The following GRM7 variants were observed in gnomAD, a reference collection of about 807,000 sequenced individuals.
GRM7 encodes the protein metabotropic glutamate receptor 7.
GRM7 carries 35 observed loss-of-function variants against 84.5 expected under a neutral mutation model. The ratio of observed to expected loss-of-function variants is 0.41; its 90% CI spans 0.32 to 0.55. The LOEUF (loss-of-function observed/expected upper bound fraction) is 0.55, where lower values mean the gene tolerates loss of function less well. GRM7 is among the 20% of genes least tolerant of loss of function. The probability of loss-of-function intolerance (pLI) is 0.19; values close to 1 mark genes in which losing one functional copy is unlikely to be tolerated. For synonymous variants in GRM7, 487 were observed against 455.1 expected (o/e 1.07, Z -0.89); for missense variants, 1,003 against 1,194.6 (o/e 0.84, Z 2.36).
At chr3:6,933,099 T>C (rs1431329035) in intron 1 of GRM7, among the ~76,000 whole-genome samples, 24 of 152,040 alleles carry the variant, frequency 1.6e-4, no homozygotes, top group Non-Finnish European at 2.9e-5. Flanking sequence ...GAGGGATGAA[T>C]GAAGAAAGAA....
At chr3:7,423,076 T>C (rs1486466911) in intron 5 of GRM7, among the ~76,000 whole-genome samples, 1 of 152,124 alleles carries the variant, frequency 6.6e-6, no homozygotes, top group Non-Finnish European at 1.5e-5. Flanking sequence ...AAATAAATTT[T>C]TCCTTCAGCC....
chr3:6,929,167 T>C (rs1346098423), intron 1 of GRM7, among the ~76,000 whole-genome samples: 1 of 152,080 alleles, frequency 6.6e-6, no homozygotes, highest in Non-Finnish European at 1.5e-5. Context: ...TTGACGGAGG[T>C]GTGAGAAAGG....
chr3:7,693,246 C>T (rs1378477362), intron 9 of GRM7, among the ~76,000 whole-genome samples: 1 of 152,086 alleles, frequency 6.6e-6, no homozygotes, highest in Non-Finnish European at 1.5e-5. Context: ...AAAAGACTCA[C>T]CTCTGCTTAA....
At chr3:7,444,044 A>T (rs1697403182) in intron 5 of GRM7, among the ~76,000 whole-genome samples, 1 of 152,196 alleles carries the variant, frequency 6.6e-6, no homozygotes, top group African/African-American at 2.4e-5. Context: ...ATTCACTGCA[A>T]AGTTCACATC....
At chr3:7,325,004 G>A (rs1485958012) in intron 4 of GRM7, among the ~76,000 whole-genome samples, 1 of 152,064 alleles carries the variant, frequency 6.6e-6, no homozygotes. Context: ...TTCTCAGTTG[G>A]GCCACACAGA....
chr3:7,365,498 A>T (rs191784739), intron 4 of GRM7, among the ~76,000 whole-genome samples: 8 of 151,612 alleles, frequency 5.3e-5, no homozygotes, highest in African/African-American at 1.9e-4. Context: ...CGTATATCCA[A>T]TCTGATTTTT....
At chr3:7,508,031 T>C (rs1198866566) in intron 7 of GRM7, among the ~76,000 whole-genome samples, 1 of 152,196 alleles carries the variant, frequency 6.6e-6, no homozygotes, top group Admixed American at 6.5e-5. Flanking sequence ...TAATATTGTT[T>C]CTTTTACCTG....
At chr3:7,602,801 T>G (rs1696381997) in intron 8 of GRM7, among the ~76,000 whole-genome samples, 1 of 152,330 alleles carries the variant, frequency 6.6e-6, no homozygotes, top group Admixed American at 6.5e-5. Context: ...GCAAGTTTTG[T>G]GCTTTGATGC....
intron 4 of GRM7, among the ~76,000 whole-genome samples, chr3:7,362,168 T>A (rs1693691438): frequency 6.6e-6 from 1 of 152,062 alleles, no homozygotes; most frequent in South Asian, 2.1e-4. Context: ...TAATAGTCAT[T>A]TTTTTAGTCA....
At chr3:7,142,306 A>C (rs1480991264) in intron 1 of GRM7, among the ~76,000 whole-genome samples, 1 of 152,154 alleles carries the variant, frequency 6.6e-6, no homozygotes, top group Non-Finnish European at 1.5e-5. Flanking sequence ...TCACACTGCT[A>C]TAAAGAACTG....
intron 8 of GRM7, among the ~76,000 whole-genome samples, chr3:7,632,353 G>T (rs547891355): frequency 4.6e-5 from 7 of 152,254 alleles, no homozygotes; most frequent in African/African-American, 1.7e-4. Context: ...ATGGTGCTTT[G>T]CATGTTTGCA....
chr3:7,566,539 CTA>C lies in GRM7; in HGVS notation c.1516-11881_1516-11880del, dbSNP rs779264404. On this transcript the variant is annotated intron_variant, in intron 7 of 9. Coordinates refer to ENST00000357716, the MANE Select transcript of GRM7 (RefSeq NM_000844.4). Reference sequence around the variant, plus strand: ...TGATTGTTAAACATCTTTTAGGAAACTATCACAGAGTGAGAAGAAATAGGAGG... The same window carrying C: ...TGATTGTTAAACATCTTTTAGGAAACTCACAGAGTGAGAAGAAATAGGAGG... 9.2e-5 allele frequency among the ~76,000 whole-genome samples: 14 copies of C among 151,936 alleles called. No individual in the cohort carries two copies. In the East Asian group the frequency reaches 1.7e-3, roughly 19 times the overall value.
intron 1 of GRM7, among the ~76,000 whole-genome samples, chr3:6,980,643 G>A (rs183510178): frequency 3.9e-5 from 6 of 152,262 alleles, no homozygotes; most frequent in Non-Finnish European, 8.8e-5. Flanking sequence ...GCCGTAAGTG[G>A]TAAGCAAATA....
chr3:7,113,270 T>G (rs1692922557), intron 1 of GRM7, among the ~76,000 whole-genome samples: 1 of 152,190 alleles, frequency 6.6e-6, no homozygotes, highest in Admixed American at 6.5e-5. Flanking sequence ...TTATTTTATT[T>G]TTATTAATAC....
At chr3:6,908,954 C>T (rs535268635) in intron 1 of GRM7, among the ~76,000 whole-genome samples, 17 of 152,210 alleles carry the variant, frequency 1.1e-4, no homozygotes, top group African/African-American at 4.1e-4. Flanking sequence ...TTCTTAGAGA[C>T]TTTAAATTCA....
At chr3:6,948,329 G>T (rs1252994435) in intron 1 of GRM7, among the ~76,000 whole-genome samples, 9 of 152,186 alleles carry the variant, frequency 5.9e-5, no homozygotes, top group South Asian at 2.1e-4. Context: ...AGTCATTCAG[G>T]AGCTGGTTGT....
intron 2 of GRM7, among the ~76,000 whole-genome samples, chr3:7,161,486 T>C (rs1574975729): frequency 6.6e-6 from 1 of 152,086 alleles, no homozygotes; most frequent in East Asian, 1.9e-4. Context: ...ATTTTTGTGT[T>C]TATACTACAG....
At chr3:6,977,996 C>T (rs1051154836) in intron 1 of GRM7, among the ~76,000 whole-genome samples, 2 of 151,974 alleles carry the variant, frequency 1.3e-5, no homozygotes, top group Admixed American at 1.3e-4. Flanking sequence ...AGTGGTGGCC[C>T]CTCAAAATCT....
At chr3:7,227,991 C>A (rs1207543328) in intron 2 of GRM7, among the ~76,000 whole-genome samples, 5 of 152,152 alleles carry the variant, frequency 3.3e-5, no homozygotes, top group African/African-American at 1.2e-4. Context: ...AGGTACTCTT[C>A]TCTCAGAATA....
Sources: gnomAD v4.1 joint callset for allele counts (sites outside exome capture counted in the v4.1 genomes callset) on GRCh38, gnomAD v4.1.1 for gene constraint, MANE v1.5 for transcripts, NCBI Gene and HGNC (gene_info 2026-07-23, HGNC 2026-07-21) for gene names.